Variants in TENM2 observed in about 807,000 individuals in gnomAD.
TENM2 encodes teneurin transmembrane protein 2, also known as teneurin-2.
In TENM2, 52 loss-of-function variants were observed where a neutral mutation model predicts 245.2. The ratio of observed to expected loss-of-function variants is 0.21; its 90% CI spans 0.17 to 0.27. The LOEUF is 0.27. Among genes scored for constraint, TENM2 ranks in the 10% least tolerant of loss-of-function variants. The pLI is 1.00. For missense variants in TENM2, 3,046 were observed against 3,666.8 expected (o/e 0.83, Z 4.37); for synonymous variants, 1,363 against 1,438.9 (o/e 0.95, Z 1.19).
At position 167,993,008 on chromosome 5, in the gene TENM2, C is replaced by G; in HGVS notation, c.1012C>G (p.Pro338Ala). The G allele has an allele frequency of 2.5e-6, 4 of 1,613,954 alleles. No individual in the cohort carries two copies. Among genetic ancestry groups the G allele is most frequent in the Non-Finnish European group, 3.4e-6 (4 of 1,179,874 alleles). ...GTTCAGCAGCTCTTCCCCGGGATAC[C>G]CTTTGACCTCAGGAACGGTTTACAC... Residue 338 changes from proline (P) to alanine (A), a missense_variant, in exon 5 of 29, where the codon CCT becomes GCT. By Grantham distance (27) the Pro-to-Ala change is conservative. Transcript: ENST00000518659.
At chr5:167,363,191 T>C (rs1030749340) in intron 1 of TENM2, among the ~76,000 whole-genome samples, 14 of 152,254 alleles carry the variant, frequency 9.2e-5, no homozygotes, top group Admixed American at 3.3e-4. Flanking sequence ...TAGGTTTTCA[T>C]TGTGAGCAAA....
chr5:167,757,337 C>A (rs980665018), intron 2 of TENM2, among the ~76,000 whole-genome samples: 1 of 151,230 alleles, frequency 6.6e-6, no homozygotes, highest in Admixed American at 6.6e-5. Flanking sequence ...TGAGAACATG[C>A]AGTGTTTGGT....
the TENM2 span, among the ~76,000 whole-genome samples, chr5:167,158,936 T>C: frequency 5.7e-5 from 8 of 139,204 alleles, no homozygotes; most frequent in African/African-American, 2.4e-4. Context: ...CTCTCTCTCC[T>C]TCTTTCTTTC....
At chr5:167,060,462 C>G in the TENM2 span, among the ~76,000 whole-genome samples, 1 of 151,774 alleles carries the variant, frequency 6.6e-6, no homozygotes, top group Non-Finnish European at 1.5e-5. Context: ...AGCAGCCTGG[C>G]CAACATGGTG....
chr5:167,028,892 C>A, the TENM2 span, among the ~76,000 whole-genome samples: 2 of 151,930 alleles, frequency 1.3e-5, no homozygotes, highest in East Asian at 3.9e-4. Context: ...CTTTTTAGAT[C>A]TAAATTTTCG....
chr5:167,858,713 G>A (rs1007539549), intron 2 of TENM2, among the ~76,000 whole-genome samples: 1 of 151,024 alleles, frequency 6.6e-6, no homozygotes, highest in East Asian at 1.9e-4. Context: ...AAGCAGAGCC[G>A]CTGCCGCGAC....
At chr5:168,084,202 A>G (rs930831909) in intron 7 of TENM2, among the ~76,000 whole-genome samples, 2 of 152,212 alleles carry the variant, frequency 1.3e-5, no homozygotes, top group East Asian at 3.9e-4. Context: ...TATTGTGAAT[A>G]GTGCTGCAAT....
At chr5:167,181,618 A>C in the TENM2 span, among the ~76,000 whole-genome samples, 1 of 152,212 alleles carries the variant, frequency 6.6e-6, no homozygotes, top group Admixed American at 6.5e-5. Context: ...GTAAAGAAAT[A>C]ATGTTGCATA....
At chr5:167,254,189 T>C in the TENM2 span, among the ~76,000 whole-genome samples, 1 of 152,056 alleles carries the variant, frequency 6.6e-6, no homozygotes, top group East Asian at 1.9e-4. Context: ...GGATCACAGT[T>C]ATAGTGTGCA....
At chr5:167,765,800 T>G (rs949935363) in intron 2 of TENM2, among the ~76,000 whole-genome samples, 2 of 152,222 alleles carry the variant, frequency 1.3e-5, no homozygotes, top group African/African-American at 4.8e-5. Context: ...ACATTCTTTC[T>G]AACCGTTTCT....
At chr5:167,535,548 G>T (rs1771791588) in intron 2 of TENM2, among the ~76,000 whole-genome samples, 1 of 152,218 alleles carries the variant, frequency 6.6e-6, no homozygotes, top group Non-Finnish European at 1.5e-5. Context: ...ACGCATTTAG[G>T]GAGTGATTCA....
At chr5:167,613,023 G>T (rs945537968) in intron 2 of TENM2, among the ~76,000 whole-genome samples, 3 of 152,196 alleles carry the variant, frequency 2.0e-5, no homozygotes, top group Admixed American at 1.3e-4. Context: ...GTAAAGACAC[G>T]CATGGAAGAG....
the TENM2 span, among the ~76,000 whole-genome samples, chr5:167,121,113 C>T: frequency 6.6e-6 from 1 of 151,912 alleles, no homozygotes; most frequent in Non-Finnish European, 1.5e-5. Context: ...AAGATGTGTC[C>T]AGGTTGCTTT....
intron 19 of TENM2, among the ~76,000 whole-genome samples, chr5:168,211,394 G>A (rs774708732): frequency 1.4e-4 from 22 of 152,146 alleles, no homozygotes; most frequent in Non-Finnish European, 3.1e-4. Flanking sequence ...GGCCATTACT[G>A]GCCAACACAT....
At chr5:167,556,427 T>TATAC (rs1773263581) in intron 2 of TENM2, among the ~76,000 whole-genome samples, 1 of 150,246 alleles carries the variant, frequency 6.7e-6, no homozygotes, top group Non-Finnish European at 1.5e-5. Context: ...CTTACATATA[T>TATAC]ATATATATAT....
At chr5:167,993,983 C>T (rs886353667) in intron 5 of TENM2, among the ~76,000 whole-genome samples, 2 of 152,258 alleles carry the variant, frequency 1.3e-5, no homozygotes, top group Non-Finnish European at 2.9e-5. Context: ...CAGGGTGCCA[C>T]GTGCATAAGA....
intron 2 of TENM2, among the ~76,000 whole-genome samples, chr5:167,629,695 A>G (rs1331436659): frequency 6.6e-6 from 1 of 152,176 alleles, no homozygotes; most frequent in African/African-American, 2.4e-5. Context: ...CAGTAAATAC[A>G]TATGTTTGGT....
At chr5:167,966,085 C>T (rs1439501059) in intron 4 of TENM2, among the ~76,000 whole-genome samples, 4 of 152,160 alleles carry the variant, frequency 2.6e-5, no homozygotes, top group Non-Finnish European at 5.9e-5. Flanking sequence ...ATAAGCCAGG[C>T]CAGATGCAAG....
Position 167,721,671 on chromosome 5 carries a change from A to G in TENM2, c.503-154315A>G, listed in dbSNP as rs541188719. ...TTAGAAGGACATGTGGATGAGTTCAAACTCACTTGGATAATCCAAAATATT... is the reference window on the plus strand; with the variant it reads ...TTAGAAGGACATGTGGATGAGTTCAGACTCACTTGGATAATCCAAAATATT... On this transcript the variant is annotated intron_variant, in intron 2 of 28. Transcript: ENST00000518659. Among the ~76,000 whole-genome samples the G allele has an allele frequency of 2.3e-4, 35 of 152,248 alleles. No individual in the cohort carries two copies. The South Asian group carries it at 3.9e-3, about 17-fold the overall frequency.
Sources: gnomAD v4.1 joint callset for allele counts (sites outside exome capture counted in the v4.1 genomes callset) on GRCh38, gnomAD v4.1.1 for gene constraint, MANE v1.5 for transcripts, NCBI Gene and HGNC (gene_info 2026-07-23, HGNC 2026-07-21) for gene names.